The following FAT4 variants were observed in gnomAD, a reference collection of about 807,000 sequenced individuals.
FAT4 encodes FAT atypical cadherin 4.
A neutral mutation model predicts 303.9 loss-of-function variants in FAT4; 84 were observed. The ratio of observed to expected loss-of-function variants is 0.28; its 90% CI spans 0.23 to 0.33. FAT4 has a LOEUF of 0.33. Among genes scored for constraint, FAT4 ranks in the 10% least tolerant of loss-of-function variants. The probability of loss-of-function intolerance (pLI) is 1.00; values close to 1 mark genes in which losing one functional copy is unlikely to be tolerated. For missense variants in FAT4, 6,005 were observed against 6,146.8 expected, an observed-to-expected ratio of 0.98 and a Z score of 0.77; for synonymous variants, 2,307 against 2,298.8, an observed-to-expected ratio of 1.00 and a Z score of -0.10.
chr4:125,468,287 C>A (rs1312899880), intron 11 of FAT4, among the ~76,000 whole-genome samples: 1 of 152,042 alleles, frequency 6.6e-6, no homozygotes, highest in Non-Finnish European at 1.5e-5. Context: ...CCTAATTAGA[C>A]AATGAAAAAT....
At position 125,444,664 on chromosome 4, in the gene FAT4, T is replaced by G. The variant is rs981351192; in HGVS notation, c.7200-1629T>G. On this transcript the variant is annotated intron_variant, in intron 8 of 17. Transcript: ENST00000394329. ...CATATACAAAACATCCAGATGAAAA[T>G]TTATGTTTTTTATCAATCTCATTTT... 3.0e-3 allele frequency among the ~76,000 whole-genome samples: 7 copies of G among 2,316 alleles called. No homozygotes were observed. The Admixed American group carries it at 0.051, about 17-fold the overall frequency. 1.5% of individuals were successfully genotyped at this position (2,316 alleles called of 152,430 possible).
intron 2 of FAT4, among the ~76,000 whole-genome samples, chr4:125,332,684 A>G (rs1731430893): frequency 6.6e-6 from 1 of 152,000 alleles, no homozygotes; most frequent in Admixed American, 6.6e-5. Context: ...CTATTTAGAA[A>G]TCGTTTTTTG....
intron 8 of FAT4, among the ~76,000 whole-genome samples, chr4:125,436,864 A>AT (rs1397468298): frequency 3.3e-5 from 5 of 151,220 alleles, no homozygotes; most frequent in South Asian, 2.1e-4. Context: ...TTATCTATGT[A>AT]TTTTTTTTGA....
rs752651207 is a variant in FAT4, at chr4:125,446,338, G to A, written c.7245G>A (p.Ser2415=). Residue 2415 remains serine (S), a synonymous_variant, in exon 9 of 18, where the codon TCG becomes TCA. Coordinates refer to ENST00000394329, the MANE Select transcript of FAT4 (RefSeq NM_001291303.3). The part of the protein sequence containing the change: ...GGNSQFTINP[S]TGQIITSALL... ...ACTCTCAGTTCACGATCAACCCATC[G>A]ACAGGACAAATCATCACCAGCGCAT... is the stretch of plus-strand genomic sequence containing the variant. 19 of 1,612,892 alleles carry A rather than the reference G, an allele frequency of 1.2e-5. No homozygotes were observed. Among genetic ancestry groups the A allele is most frequent in the South Asian group, 3.3e-5 (3 of 91,032 alleles).
intron 11 of FAT4, among the ~76,000 whole-genome samples, chr4:125,466,119 A>C (rs1726653823): frequency 6.6e-6 from 1 of 152,186 alleles, no homozygotes; most frequent in South Asian, 2.1e-4. Context: ...TTTTTTCGAT[A>C]CTTAGATTTT....
At chr4:125,441,822 G>T (rs930108813) in intron 8 of FAT4, among the ~76,000 whole-genome samples, 2 of 152,130 alleles carry the variant, frequency 1.3e-5, no homozygotes, top group South Asian at 4.1e-4. Context: ...AGTATTACTG[G>T]ATCATTTTCT....
intron 2 of FAT4, among the ~76,000 whole-genome samples, chr4:125,396,965 T>A (rs28469217): frequency 2.7e-5 from 3 of 112,868 alleles, no homozygotes; most frequent in African/African-American, 1.2e-4. Flanking sequence ...TATATATATA[T>A]AAAATATGTA....
Position 125,446,036 on chromosome 4 carries a change from A to C in FAT4, c.7200-257A>C, listed in dbSNP as rs181357031. On this transcript the variant is annotated intron_variant, in intron 8 of 17. Coordinates refer to ENST00000394329, the MANE Select transcript of FAT4 (RefSeq NM_001291303.3). ...TTAGGGGTTTGTTTGGTGGCCTTGC[A>C]CAACTTAAGAGTCCTAAAAACCTTG... is the stretch of plus-strand genomic sequence containing the variant. 5.2e-4 allele frequency: 152 copies of C among 292,928 alleles called. 1 individual carries two copies. The highest frequency in any genetic ancestry group is 2.2e-3 in the Middle Eastern group (2 of 924). 18.1% of individuals were successfully genotyped at this position (292,928 alleles called of 1,614,324 possible).
chr4:125,383,183 C>G (rs901736615), intron 2 of FAT4, among the ~76,000 whole-genome samples: 1 of 152,264 alleles, frequency 6.6e-6, no homozygotes, highest in Admixed American at 6.5e-5. Flanking sequence ...AGAGACCTAG[C>G]TTTTGATTTA....
intron 3 of FAT4, among the ~76,000 whole-genome samples, chr4:125,400,280 G>T (rs901744202): frequency 6.6e-6 from 1 of 151,636 alleles, no homozygotes; most frequent in African/African-American, 2.4e-5. Flanking sequence ...AATTAGAGTG[G>T]GATTATTTAA....
chr4:125,467,077 A>G (rs1261060834), intron 11 of FAT4, among the ~76,000 whole-genome samples: 1 of 152,106 alleles, frequency 6.6e-6, no homozygotes, highest in Non-Finnish European at 1.5e-5. Flanking sequence ...ATGCCTGGCC[A>G]AAATGATGTT....
At chr4:125,448,330 G>C in intron 9 of FAT4, 131 bp from the exon 10 acceptor site, 1 of 809,690 alleles carries the variant, frequency 1.2e-6, no homozygotes, top group Non-Finnish European at 1.9e-6. Flanking sequence ...AGGAGATACT[G>C]TTCTCCCTAG....
intron 2 of FAT4, among the ~76,000 whole-genome samples, chr4:125,332,159 C>CTTTTTTTT (rs199702900): frequency 7.5e-6 from 1 of 133,304 alleles, no homozygotes; most frequent in Admixed American, 7.6e-5. Context: ...CCGTTCCATT[C>CTTTTTTTT]TTTTTTTTTT....
chr4:125,373,428 A>T (rs1181483480), intron 2 of FAT4, among the ~76,000 whole-genome samples: 1 of 151,660 alleles, frequency 6.6e-6, no homozygotes, highest in African/African-American at 2.4e-5. Flanking sequence ...TATAGGACAG[A>T]TTGTTTTAAA....
At position 125,318,574 on chromosome 4, in the gene FAT4, T is replaced by A; in HGVS notation, c.2163T>A (p.Asn721Lys). ...VSATDPDLGT[N>K]GTVKYSISAG... ...CCACTGACCCAGACTTGGGTACCAATGGTACTGTCAAATATAGCATATCTG... is the reference window on the plus strand; with the variant it reads ...CCACTGACCCAGACTTGGGTACCAAAGGTACTGTCAAATATAGCATATCTG... The change falls in exon 2 of 18, where the codon AAT (asparagine) becomes AAA (lysine). Residue 721 changes from asparagine (N) to lysine (K), a missense_variant. Coordinates refer to ENST00000394329, the MANE Select transcript of FAT4 (RefSeq NM_001291303.3). 2 of 1,614,164 alleles carry A rather than the reference T, an allele frequency of 1.2e-6. No individual in the cohort carries two copies. Among genetic ancestry groups the A allele is most frequent in the Non-Finnish European group, 1.7e-6 (2 of 1,180,012 alleles).
intron 2 of FAT4, among the ~76,000 whole-genome samples, chr4:125,349,534 A>G (rs1171251891): frequency 6.6e-6 from 1 of 151,744 alleles, no homozygotes; most frequent in African/African-American, 2.4e-5. Context: ...GAAAAGCACC[A>G]TGCACCTGAA....
intron 2 of FAT4, among the ~76,000 whole-genome samples, chr4:125,328,560 C>A (rs572361945): frequency 9.2e-5 from 14 of 152,280 alleles, no homozygotes; most frequent in African/African-American, 2.6e-4. Context: ...TTGCTACTGG[C>A]AGGTGGGAGC....
rs775555481 is a variant in FAT4 at position 125,491,527 on chromosome 4, C to G, written c.14711C>G (p.Pro4904Arg). 3.1e-6 allele frequency: 5 copies of G among 1,614,056 alleles called. No homozygotes were observed. The highest frequency in any genetic ancestry group is 4.2e-6 in the Non-Finnish European group (5 of 1,180,042). ...CACGGTCGCAGGGCCGAGGGAGGAC[C>G]TGTGGGCACCCAGGCAGCAGCACCA... is the stretch of plus-strand genomic sequence containing the variant. ...RYHGRRAEGGPVGTQAAAPGT... is the reference protein window; with the variant it reads ...RYHGRRAEGGRVGTQAAAPGT... Residue 4904 changes from proline (P) to arginine (R), a missense_variant, in exon 18 of 18, where the codon CCT (proline) becomes CGT (arginine). Pro to Arg is a moderately radical substitution (Grantham distance 103). Transcript: ENST00000394329.
Position 125,490,857 on chromosome 4 carries a change from G to A in FAT4, c.14041G>A (p.Gly4681Ser), listed in dbSNP as rs759429469. The A allele has an allele frequency of 2.5e-6, 4 of 1,614,120 alleles. No individual in the cohort carries two copies. Among genetic ancestry groups the A allele is most frequent in the East Asian group, 2.2e-5 (1 of 44,856 alleles). ...ASSLTYQPSY[G>S]QGLRTSSLSH... ...CAGTTTGACTTACCAGCCTTCATATGGTCAAGGTTTGAGAACCAGCTCCCT... is the reference window on the plus strand; with the variant it reads ...CAGTTTGACTTACCAGCCTTCATATAGTCAAGGTTTGAGAACCAGCTCCCT... Residue 4681 changes from glycine to serine, a missense_variant, in exon 18 of 18, where the codon GGT becomes AGT. Coordinates refer to ENST00000394329, the MANE Select transcript of FAT4 (RefSeq NM_001291303.3).
Sources: allele counts gnomAD v4.1 joint callset (sites outside exome capture counted in the v4.1 genomes callset), GRCh38; gene constraint gnomAD v4.1.1; transcripts MANE v1.5; gene names NCBI Gene and HGNC (gene_info 2026-07-23, HGNC 2026-07-21).